Variants in RGS7 observed in about 807,000 individuals in gnomAD.
RGS7 encodes regulator of G-protein signaling 7.
A neutral mutation model predicts 81.1 loss-of-function variants in RGS7; 27 were observed. The ratio of observed to expected loss-of-function variants is 0.33; its 90% CI spans 0.25 to 0.46. RGS7 has a LOEUF of 0.46. RGS7 is among the 20% of genes least tolerant of loss of function. The pLI is 1.00. For synonymous variants in RGS7, 208 were observed against 207.7 expected (o/e 1.00, Z -0.01); for missense variants, 396 against 607.4 (o/e 0.65, Z 3.66).
intron 3 of RGS7, among the ~76,000 whole-genome samples, chr1:241,091,158 A>C (rs552438538): frequency 1.3e-5 from 2 of 152,338 alleles, no homozygotes; most frequent in East Asian, 3.9e-4. Context: ...GAAAGGAATA[A>C]AACGAATGTA....
At chr1:241,107,386 G>A (rs1239959341) in intron 2 of RGS7, among the ~76,000 whole-genome samples, 2 of 152,130 alleles carry the variant, frequency 1.3e-5, no homozygotes, top group African/African-American at 2.4e-5. Flanking sequence ...CTGCTTCTCC[G>A]ATTACAGATT....
chr1:240,994,209 A>G (rs1036368492), intron 3 of RGS7, among the ~76,000 whole-genome samples: 52 of 152,308 alleles, frequency 3.4e-4, no homozygotes, highest in African/African-American at 1.2e-3. Context: ...CTCTATATCT[A>G]CAAAAAAATC....
At chr1:240,905,879 G>A (rs564042183) in intron 6 of RGS7, among the ~76,000 whole-genome samples, 1 of 152,246 alleles carries the variant, frequency 6.6e-6, no homozygotes, top group Non-Finnish European at 1.5e-5. Flanking sequence ...CCTTGCACAT[G>A]ACTAGATGCT....
At chr1:241,309,223 C>T (rs2148544945) in intron 2 of RGS7, among the ~76,000 whole-genome samples, 1 of 151,850 alleles carries the variant, frequency 6.6e-6, no homozygotes, top group Non-Finnish European at 1.5e-5. Context: ...CCTGTCTCTA[C>T]TAAAAATACA....
intron 3 of RGS7, among the ~76,000 whole-genome samples, chr1:240,995,050 T>A (rs1687062269): frequency 6.6e-6 from 1 of 152,166 alleles, no homozygotes; most frequent in Non-Finnish European, 1.5e-5. Flanking sequence ...GTTTTTATTA[T>A]GAATAAGTTT....
Position 241,188,925 on chromosome 1 carries a change from T to TA in RGS7, c.79-90164dup, listed in dbSNP as rs1558169984. Reference sequence around the variant, plus strand: ...GAACTTCAAACTATCAACCAAACAATATACGAGTGCTCCAGTTCCTCTACA... The same window carrying TA: ...GAACTTCAAACTATCAACCAAACAATAATACGAGTGCTCCAGTTCCTCTACA... On this transcript the variant is annotated intron_variant, in intron 2 of 18. Coordinates refer to ENST00000440928, the MANE Select transcript of RGS7 (RefSeq NM_001364886.1). Among the ~76,000 whole-genome samples, 6 of 152,304 alleles carry TA rather than the reference T, an allele frequency of 3.9e-5. No individual in the cohort carries two copies. In the South Asian group the frequency reaches 1.2e-3, roughly 32 times the overall value.
intron 9 of RGS7, among the ~76,000 whole-genome samples, chr1:240,859,205 GC>G (rs1156974613): frequency 6.6e-6 from 1 of 151,894 alleles, no homozygotes; most frequent in Non-Finnish European, 1.5e-5. Context: ...TTGCTGTGTT[GC>G]CCAGACTGGT....
intron 6 of RGS7, among the ~76,000 whole-genome samples, chr1:240,921,601 C>T (rs534324822): frequency 1.1e-4 from 17 of 152,072 alleles, no homozygotes; most frequent in Admixed American, 3.3e-4. Flanking sequence ...AAAAAGTCAG[C>T]GGTTTTCCTA....
chr1:241,283,134 A>G (rs2078615599), intron 2 of RGS7, among the ~76,000 whole-genome samples: 1 of 152,220 alleles, frequency 6.6e-6, no homozygotes, highest in Admixed American at 6.5e-5. Context: ...TTAGAGCCAC[A>G]TCAGACAGTG....
chr1:240,935,470 C>T lies in RGS7; in HGVS notation c.333+1130G>A, dbSNP rs548044287. 1.2e-3 allele frequency among the ~76,000 whole-genome samples: 175 copies of T among 152,092 alleles called. 1 individual carries two copies. The highest frequency in any genetic ancestry group is 3.7e-3 in the African/African-American group (152 of 41,482). ...ATTAATGTAAAGCTTTTTTAAGTTA[C>T]GTAATTTAACTAAGTGCTTGAATAC... is the stretch of plus-strand genomic sequence containing the variant. On this transcript the variant is annotated intron_variant, in intron 5 of 18. Coordinates refer to ENST00000440928, the MANE Select transcript of RGS7 (RefSeq NM_001364886.1).
intron 3 of RGS7, among the ~76,000 whole-genome samples, chr1:241,017,756 A>G (rs1366995567): frequency 6.6e-6 from 1 of 152,128 alleles, no homozygotes; most frequent in Non-Finnish European, 1.5e-5. Context: ...TTTTCTTGAT[A>G]TGTTATACTG....
chr1:240,832,906 T>C (rs545232149), intron 9 of RGS7, among the ~76,000 whole-genome samples: 115 of 152,254 alleles, frequency 7.6e-4, no homozygotes, highest in Non-Finnish European at 1.4e-3. Flanking sequence ...TGGGGGGATA[T>C]GTTTTACTAC....
At chr1:241,233,198 G>A (rs748387262) in intron 2 of RGS7, among the ~76,000 whole-genome samples, 33 of 152,230 alleles carry the variant, frequency 2.2e-4, no homozygotes, top group African/African-American at 2.2e-4. Flanking sequence ...TTGGATATCC[G>A]TCACCTTAAT....
intron 6 of RGS7, among the ~76,000 whole-genome samples, chr1:240,921,630 T>C (rs943892742): frequency 1.3e-5 from 2 of 151,888 alleles, no homozygotes; most frequent in African/African-American, 2.4e-5. Context: ...CAATGAAAAA[T>C]TGAAATATGA....
chr1:241,312,394 A>G (rs1054941460), intron 2 of RGS7, among the ~76,000 whole-genome samples: 6 of 152,124 alleles, frequency 3.9e-5, no homozygotes, highest in African/African-American at 1.4e-4. Flanking sequence ...ACAACTCCGC[A>G]CTGAGCAAGG....
intron 3 of RGS7, among the ~76,000 whole-genome samples, chr1:241,058,252 G>T (rs1254300568): frequency 6.6e-6 from 1 of 152,208 alleles, no homozygotes; most frequent in Non-Finnish European, 1.5e-5. Context: ...AATGAGTCAG[G>T]TGAGCATAAG....
intron 3 of RGS7, among the ~76,000 whole-genome samples, chr1:241,025,670 A>G (rs1382110767): frequency 6.6e-6 from 1 of 150,696 alleles, no homozygotes; most frequent in Non-Finnish European, 1.5e-5. Context: ...GAGATGAAAC[A>G]TGTACAAAAA....
intron 2 of RGS7, among the ~76,000 whole-genome samples, chr1:241,160,440 A>ATTG (rs75798844): frequency 6.6e-6 from 1 of 150,790 alleles, no homozygotes; most frequent in African/African-American, 2.4e-5. Flanking sequence ...TGAAACATGT[A>ATTG]GCAATCAAGA....
intron 2 of RGS7, among the ~76,000 whole-genome samples, chr1:241,202,007 CACAG>C (rs900752617): frequency 9.3e-6 from 1 of 107,132 alleles, no homozygotes; most frequent in African/African-American, 3.7e-5. Flanking sequence ...CACAGACACA[CACAG>C]ACACACACAC....
Sources: allele counts gnomAD v4.1 joint callset (sites outside exome capture counted in the v4.1 genomes callset), GRCh38; gene constraint gnomAD v4.1.1; transcripts MANE v1.5; gene names NCBI Gene and HGNC (gene_info 2026-07-23, HGNC 2026-07-21).